Variants in THSD4 observed in about 807,000 individuals in gnomAD.
THSD4 encodes thrombospondin type-1 domain-containing protein 4.
A neutral mutation model predicts 119.0 loss-of-function variants in THSD4; 69 were observed. The ratio of observed to expected loss-of-function variants is 0.58; its 90% confidence interval spans 0.48 to 0.71. The LOEUF (loss-of-function observed/expected upper bound fraction) is 0.71, where lower values mean the gene tolerates loss of function less well. THSD4 is among the 30% of genes least tolerant of loss of function. The pLI is 0.00. For missense variants in THSD4, 1,393 were observed against 1,391.1 expected, an observed-to-expected ratio of 1.00 and a Z score of -0.02; for synonymous variants, 524 against 540.4, an observed-to-expected ratio of 0.97 and a Z score of 0.42.
intron 8 of THSD4, among the ~76,000 whole-genome samples, chr15:71,662,496 A>G (rs1025644517): frequency 6.6e-6 from 1 of 152,186 alleles, no homozygotes; most frequent in Non-Finnish European, 1.5e-5. Flanking sequence ...GCCTCCTAGA[A>G]TGGGAAATGT....
Position 71,777,388 on chromosome 15 carries a change from C to T in THSD4, c.*14C>T, listed in dbSNP as rs1475437674. On this transcript the variant is annotated 3_prime_UTR_variant, in exon 18 of 18. Transcript: ENST00000261862. ...GGGAGCAGATAACACTCCTGCACCCCCATCAGTAGGGCAGCATCACTGCCT... is the reference window on the plus strand; with the variant it reads ...GGGAGCAGATAACACTCCTGCACCCTCATCAGTAGGGCAGCATCACTGCCT... 1 of 1,610,936 alleles carries T rather than the reference C, an allele frequency of 6.2e-7. No individual in the cohort carries two copies. Among genetic ancestry groups the T allele is most frequent in the Non-Finnish European group, 8.5e-7 (1 of 1,179,052 alleles).
chr15:71,442,966 C>A (rs773315745), intron 7 of THSD4, among the ~76,000 whole-genome samples: 3 of 151,542 alleles, frequency 2.0e-5, no homozygotes, highest in Non-Finnish European at 4.4e-5. Context: ...TGCATCGAAC[C>A]CTCCGATAAA....
At chr15:71,440,221 A>G (rs1489465446) in intron 7 of THSD4, among the ~76,000 whole-genome samples, 1 of 152,162 alleles carries the variant, frequency 6.6e-6, no homozygotes, top group African/African-American at 2.4e-5. Context: ...TTTGCTTTCC[A>G]AATACTAATC....
chr15:71,591,734 T>C (rs2049811254), intron 7 of THSD4, among the ~76,000 whole-genome samples: 1 of 90,252 alleles, frequency 1.1e-5, no homozygotes, highest in Non-Finnish European at 2.6e-5. Flanking sequence ...GGCCAGATTT[T>C]TTTTTAGAAA....
At chr15:71,197,800 C>G (rs1170099442) in intron 3 of THSD4, among the ~76,000 whole-genome samples, 7 of 152,168 alleles carry the variant, frequency 4.6e-5, no homozygotes, top group Non-Finnish European at 8.8e-5. Context: ...TGCTGCCTGT[C>G]TGCCCCCTGA....
chr15:71,256,058 C>A (rs957915744), intron 5 of THSD4, among the ~76,000 whole-genome samples: 1 of 152,154 alleles, frequency 6.6e-6, no homozygotes. Context: ...AAGTTTCTTG[C>A]CCCTATAACG....
intron 7 of THSD4, among the ~76,000 whole-genome samples, chr15:71,586,836 C>T (rs1318758619): frequency 6.6e-6 from 1 of 152,192 alleles, no homozygotes; most frequent in Non-Finnish European, 1.5e-5. Context: ...GTGTTTCCTT[C>T]ATGAAGCTGT....
intron 7 of THSD4, among the ~76,000 whole-genome samples, chr15:71,573,450 C>T (rs760156891): frequency 6.6e-5 from 10 of 152,268 alleles, no homozygotes; most frequent in Middle Eastern, 3.4e-3. Flanking sequence ...TTTGAAAAGG[C>T]GTTTGACTTC....
At chr15:71,199,940 G>A (rs533604496) in intron 3 of THSD4, among the ~76,000 whole-genome samples, 38 of 129,770 alleles carry the variant, frequency 2.9e-4, no homozygotes, top group Non-Finnish European at 2.9e-4. Flanking sequence ...TGTGTGTATG[G>A]CAGGGTGTCT....
intron 6 of THSD4, among the ~76,000 whole-genome samples, chr15:71,296,052 C>G (rs780416642): frequency 6.6e-6 from 1 of 152,162 alleles, no homozygotes; most frequent in Non-Finnish European, 1.5e-5. Context: ...TGTTATTTAT[C>G]TACTTATCAG....
At chr15:71,196,980 C>G (rs183802650) in intron 3 of THSD4, among the ~76,000 whole-genome samples, 3 of 152,246 alleles carry the variant, frequency 2.0e-5, no homozygotes, top group Admixed American at 6.5e-5. Flanking sequence ...CTCATTCAAC[C>G]CACTATGCAT....
chr15:71,468,853 C>A (rs930362114), intron 7 of THSD4, among the ~76,000 whole-genome samples: 1 of 152,232 alleles, frequency 6.6e-6, no homozygotes. Flanking sequence ...TATGCCCTCC[C>A]TTTAAGAATA....
chr15:71,167,943 C>T (rs1220814021), intron 3 of THSD4, among the ~76,000 whole-genome samples: 1 of 152,220 alleles, frequency 6.6e-6, no homozygotes, highest in African/African-American at 2.4e-5. Flanking sequence ...TGACTTGATA[C>T]ATCTCTGCAA....
chr15:71,651,441 G>T (rs147785906), intron 7 of THSD4, among the ~76,000 whole-genome samples: 1 of 152,252 alleles, frequency 6.6e-6, no homozygotes, highest in African/African-American at 2.4e-5. Flanking sequence ...AGAGTCTTCG[G>T]ATTTAAGATC....
chr15:71,743,025 A>G (rs891362853), intron 11 of THSD4, among the ~76,000 whole-genome samples: 4 of 151,650 alleles, frequency 2.6e-5, no homozygotes, highest in African/African-American at 9.7e-5. Flanking sequence ...ACTTCACTCC[A>G]GCCTGGGTGA....
At chr15:71,649,315 C>A (rs138305207) in intron 7 of THSD4, among the ~76,000 whole-genome samples, 526 of 152,166 alleles carry the variant, frequency 3.5e-3, no homozygotes, top group African/African-American at 0.012. Flanking sequence ...TTCTTGTTGC[C>A]CAGGCTGGAG....
intron 16 of THSD4, chr15:71,767,272 A>G (rs1595931856): frequency 6.6e-6 from 1 of 152,370 alleles, no homozygotes; most frequent in East Asian, 1.9e-4. Flanking sequence ...AAAGAAAATT[A>G]AGTTTTAAAA....
chr15:71,220,999 C>T (rs1208127310), intron 4 of THSD4, among the ~76,000 whole-genome samples: 1 of 152,176 alleles, frequency 6.6e-6, no homozygotes, highest in Non-Finnish European at 1.5e-5. Context: ...TGGCACTCAA[C>T]CAAGTCATCT....
intron 13 of THSD4, 79 bp downstream of exon 13, chr15:71,747,121 G>A: frequency 6.8e-7 from 1 of 1,477,936 alleles, no homozygotes; most frequent in African/African-American, 1.4e-5. Flanking sequence ...ACCAAGACCT[G>A]AGATGGGTAA....
Sources: gnomAD v4.1 joint callset for allele counts (sites outside exome capture counted in the v4.1 genomes callset) on GRCh38, gnomAD v4.1.1 for gene constraint, MANE v1.5 for transcripts, NCBI Gene and HGNC (gene_info 2026-07-23, HGNC 2026-07-21) for gene names.